BAIAP2L1: variants seen among roughly 807,000 people sequenced by gnomAD.
BAIAP2L1 encodes the protein BAR/IMD domain containing adaptor protein 2 like 1, also known as BAR/IMD domain-containing adapter protein 2-like 1.
Under a neutral mutation model 66.3 loss-of-function variants are expected in BAIAP2L1, and 35 were observed. The observed-to-expected ratio is 0.53, with a 90% confidence interval of 0.40 to 0.70. The LOEUF (loss-of-function observed/expected upper bound fraction) is 0.70, where lower values mean the gene tolerates loss of function less well. Among genes scored for constraint, BAIAP2L1 ranks in the 30% least tolerant of loss-of-function variants. The pLI, the probability that BAIAP2L1 is intolerant of heterozygous loss-of-function variation, is 0.00. For synonymous variants in BAIAP2L1, 269 were observed against 248.7 expected (o/e 1.08, Z -0.77); for missense variants, 622 against 656.9 (o/e 0.95, Z 0.58).
intron 12 of BAIAP2L1, among the ~76,000 whole-genome samples, chr7:98,298,568 G>C (rs1800286954): frequency 6.6e-6 from 1 of 151,960 alleles, no homozygotes; most frequent in African/African-American, 2.4e-5. Context: ...AGCCGAGATG[G>C]TGCCACTGCA....
intron 6 of BAIAP2L1, among the ~76,000 whole-genome samples, chr7:98,316,151 C>A (rs1486473323): frequency 1.3e-5 from 2 of 152,124 alleles, no homozygotes; most frequent in South Asian, 4.1e-4. Context: ...AAGGGAGTTT[C>A]CCTGCACAAG....
At chr7:98,346,109 C>G (rs1801867650) in intron 3 of BAIAP2L1, among the ~76,000 whole-genome samples, 1 of 152,088 alleles carries the variant, frequency 6.6e-6, no homozygotes, top group Non-Finnish European at 1.5e-5. Context: ...GAACTGTATA[C>G]TTTAAATGGG....
At chr7:98,352,903 C>T (rs1802031107) in intron 3 of BAIAP2L1, among the ~76,000 whole-genome samples, 1 of 151,990 alleles carries the variant, frequency 6.6e-6, no homozygotes, top group African/African-American at 2.4e-5. Flanking sequence ...GTCAGAGCAC[C>T]ATATGTTTTA....
At chr7:98,380,890 G>A (rs1489458748) in intron 1 of BAIAP2L1, among the ~76,000 whole-genome samples, 1 of 137,692 alleles carries the variant, frequency 7.3e-6, no homozygotes, top group East Asian at 2.5e-4. Context: ...CTAATGTTAT[G>A]GAATGGCCAC....
At chr7:98,313,383 A>C (rs1414223117) in intron 7 of BAIAP2L1, among the ~76,000 whole-genome samples, 1 of 152,112 alleles carries the variant, frequency 6.6e-6, no homozygotes, top group Non-Finnish European at 1.5e-5. Flanking sequence ...TCTGCTGATA[A>C]CTGGAGCTCC....
At chr7:98,300,664 C>T (rs1800384111) in intron 12 of BAIAP2L1, among the ~76,000 whole-genome samples, 1 of 152,098 alleles carries the variant, frequency 6.6e-6, no homozygotes, top group African/African-American at 2.4e-5. Context: ...CCAGGAGGTC[C>T]CAGCACAGGC....
At chr7:98,360,127 T>C (rs964970238) in intron 2 of BAIAP2L1, among the ~76,000 whole-genome samples, 5 of 152,090 alleles carry the variant, frequency 3.3e-5, no homozygotes, top group African/African-American at 1.2e-4. Flanking sequence ...TTTACCATTT[T>C]GGCCAGGCTG....
At chr7:98,309,071 G>A (rs1404542100) in intron 9 of BAIAP2L1, 2 of 151,418 alleles carry the variant, frequency 1.3e-5, no homozygotes, top group Admixed American at 6.6e-5. Context: ...CTTTATTCTT[G>A]CAGATTCTTC....
chr7:98,320,410 G>T, intron 3 of BAIAP2L1, 112 bp from the exon 4 acceptor site: 1 of 746,506 alleles, frequency 1.3e-6, no homozygotes, highest in Non-Finnish European at 2.2e-6. Context: ...ATCTTGGCCC[G>T]CTGCAACCTC....
At chr7:98,347,076 G>A (rs1036207150) in intron 3 of BAIAP2L1, among the ~76,000 whole-genome samples, 2 of 152,122 alleles carry the variant, frequency 1.3e-5, no homozygotes, top group African/African-American at 4.8e-5. Flanking sequence ...TCACAACATT[G>A]TAATTGCAAG....
Position 98,305,047 on chromosome 7 carries a change from G to GTTTTTT in BAIAP2L1, c.1242-677_1242-672dup, listed in dbSNP as rs59633894. Reference sequence around the variant, plus strand: ...CGCCCAGCTAATTTTTTTGTTTTTTGTTTTTTTTTTTTTTTTTTTTTTTAG... The same window carrying GTTTTTT: ...CGCCCAGCTAATTTTTTTGTTTTTTGTTTTTTTTTTTTTTTTTTTTTTTTTTTTTAG... On this transcript the variant is annotated intron_variant, in intron 11 of 13. Transcript: ENST00000005260. Among the ~76,000 whole-genome samples, 36 of 100,368 alleles carry GTTTTTT rather than the reference G, an allele frequency of 3.6e-4. 1 individual carries two copies. Among genetic ancestry groups the GTTTTTT allele is most frequent in the South Asian group, 1.3e-3 (3 of 2,354 alleles). 65.8% of individuals were successfully genotyped at this position (100,368 alleles called of 152,430 possible).
intron 5 of BAIAP2L1, among the ~76,000 whole-genome samples, chr7:98,319,124 T>G (rs1801168761): frequency 6.6e-6 from 1 of 152,020 alleles, no homozygotes; most frequent in Admixed American, 6.6e-5. Context: ...AGGGGAGGGA[T>G]GATTCCAGGG....
At position 98,401,083 on chromosome 7, in the gene BAIAP2L1, C is replaced by T; in HGVS notation, c.-231G>A. On this transcript the variant is annotated 5_prime_UTR_variant, in exon 1 of 14. Coordinates refer to ENST00000005260, the MANE Select transcript of BAIAP2L1 (RefSeq NM_018842.5). ...GAGCAGAGGAGAAGCGGCCGGACGC[C>T]GCCAGAGGAAGCTGGGCGGGCCGGG... 2.7e-6 allele frequency: 1 copy of T among 368,544 alleles called. No individual in the cohort carries two copies. The highest frequency in any genetic ancestry group is 1.0e-4 in the South Asian group (1 of 9,766). 22.8% of individuals were successfully genotyped at this position (368,544 alleles called of 1,614,324 possible).
At chr7:98,348,202 G>A (rs1033722252) in intron 3 of BAIAP2L1, among the ~76,000 whole-genome samples, 1 of 152,144 alleles carries the variant, frequency 6.6e-6, no homozygotes, top group Non-Finnish European at 1.5e-5. Flanking sequence ...GAGTAAAGGA[G>A]AGACCAATGA....
intron 6 of BAIAP2L1, among the ~76,000 whole-genome samples, chr7:98,316,532 TGATA>T (rs1801081255): frequency 6.6e-6 from 1 of 152,200 alleles, no homozygotes; most frequent in African/African-American, 2.4e-5. Flanking sequence ...TTTTAAAAAC[TGATA>T]GATTATATAT....
rs1419500516 is a variant in BAIAP2L1 at position 98,393,142 on chromosome 7, TGTAC to T, written c.51+7656_51+7659del. Among the ~76,000 whole-genome samples the T allele has an allele frequency of 9.2e-5, 13 of 141,022 alleles. 1 individual carries two copies. The highest frequency in any genetic ancestry group is 2.2e-4 in the East Asian group (1 of 4,586). 92.5% of individuals were successfully genotyped at this position (141,022 alleles called of 152,430 possible). On this transcript the variant is annotated intron_variant, in intron 1 of 13. Coordinates refer to ENST00000005260, the MANE Select transcript of BAIAP2L1 (RefSeq NM_018842.5). ...ATATATGTATATATACACACATATG[TGTAC>T]ATATATATGTACACATATATGTATA... is the stretch of plus-strand genomic sequence containing the variant.
chr7:98,315,783 G>A (rs919252728), intron 6 of BAIAP2L1, among the ~76,000 whole-genome samples, 171 bp from the exon 7 acceptor site: 7 of 152,136 alleles, frequency 4.6e-5, no homozygotes, highest in African/African-American at 1.7e-4. Flanking sequence ...AGATACCATC[G>A]TTCTCCTTGA....
chr7:98,385,577 A>T (rs1373824126), intron 1 of BAIAP2L1, among the ~76,000 whole-genome samples: 1 of 151,136 alleles, frequency 6.6e-6, no homozygotes, highest in Non-Finnish European at 1.5e-5. Flanking sequence ...ATGCCCAGTT[A>T]ATTTTTTTGT....
chr7:98,348,493 G>A (rs1168481602), intron 3 of BAIAP2L1, among the ~76,000 whole-genome samples: 1 of 151,030 alleles, frequency 6.6e-6, no homozygotes, highest in African/African-American at 2.4e-5. Flanking sequence ...CTTGAACCCG[G>A]GAAGCAGAGG....
Sources: gnomAD v4.1 joint callset for allele counts (sites outside exome capture counted in the v4.1 genomes callset) on GRCh38, gnomAD v4.1.1 for gene constraint, MANE v1.5 for transcripts, NCBI Gene and HGNC (gene_info 2026-07-23, HGNC 2026-07-21) for gene names.